LRRC7: variants seen among roughly 807,000 people sequenced by gnomAD.
LRRC7 encodes leucine-rich repeat-containing protein 7.
A neutral mutation model predicts 175.7 loss-of-function variants in LRRC7; 23 were observed. That is an observed-to-expected ratio of 0.13 (90% confidence interval 0.09 to 0.19). LRRC7 has a LOEUF of 0.19. Ranked by LOEUF, LRRC7 falls within the 10% of genes least tolerant of loss-of-function variation. LRRC7 has a pLI of 1.00. For synonymous variants in LRRC7, 685 were observed against 680.9 expected (o/e 1.01, Z -0.09); for missense variants, 1,354 against 1,904.7 (o/e 0.71, Z 5.38).
At chr1:69,855,170 G>A (rs17131050) in intron 7 of LRRC7, among the ~76,000 whole-genome samples, 1 of 152,078 alleles carries the variant, frequency 6.6e-6, no homozygotes, top group Admixed American at 6.6e-5. Context: ...TAGTGTAGTA[G>A]TCCTTGCTTA....
chr1:69,850,850 C>T (rs1472037477), intron 7 of LRRC7, among the ~76,000 whole-genome samples: 1 of 151,894 alleles, frequency 6.6e-6, no homozygotes, highest in Non-Finnish European at 1.5e-5. Flanking sequence ...ATCATCTGCT[C>T]AGGGAGATAG....
intron 10 of LRRC7, among the ~76,000 whole-genome samples, chr1:69,994,195 G>A (rs774905706): frequency 3.9e-5 from 6 of 152,134 alleles, no homozygotes; most frequent in Non-Finnish European, 8.8e-5. Flanking sequence ...AGTTATTACT[G>A]CTTAGGAACT....
intron 8 of LRRC7, among the ~76,000 whole-genome samples, chr1:69,947,786 TA>T (rs1222953063): frequency 6.6e-6 from 1 of 152,140 alleles, no homozygotes; most frequent in East Asian, 1.9e-4. Flanking sequence ...CTATTTTTTT[TA>T]CATATACATA....
At chr1:69,678,026 T>C (rs575614400) in intron 1 of LRRC7, among the ~76,000 whole-genome samples, 2 of 152,190 alleles carry the variant, frequency 1.3e-5, no homozygotes, top group African/African-American at 4.8e-5. Context: ...CATAACCTCC[T>C]CTAAAACTAA....
At chr1:70,015,351 C>T (rs571605756) in intron 13 of LRRC7, among the ~76,000 whole-genome samples, 11 of 151,930 alleles carry the variant, frequency 7.2e-5, no homozygotes, top group Non-Finnish European at 1.2e-4. Context: ...TAACTGCTTT[C>T]GCTCATAAAA....
rs74890795 is a variant in LRRC7, at chr1:69,764,713, G to T, written c.303+4320G>T. ...TGTGGGTGGGTAGGTGGATAGATAG[G>T]TAGGTAGATAGATAGACAGATAGAT... On this transcript the variant is annotated intron_variant, in intron 3 of 26. Coordinates refer to ENST00000651989, the MANE Select transcript of LRRC7 (RefSeq NM_001370785.2). Among the ~76,000 whole-genome samples the T allele has an allele frequency of 4.5e-3, 615 of 136,450 alleles. 5 individuals carry two copies. The highest frequency in any genetic ancestry group is 0.017 in the African/African-American group (590 of 34,912). The allele number at this position is 136,450 out of a possible 152,430, so 89.5% of individuals were successfully genotyped here. A position where few individuals can be genotyped will look rare whatever the true frequency, so the allele number is the denominator to read the frequency against.
At chr1:69,789,124 C>T (rs1674825443) in intron 3 of LRRC7, among the ~76,000 whole-genome samples, 1 of 152,056 alleles carries the variant, frequency 6.6e-6, no homozygotes, top group Non-Finnish European at 1.5e-5. Context: ...CATCTAACTG[C>T]TGTGTTTCAG....
intron 1 of LRRC7, among the ~76,000 whole-genome samples, chr1:69,619,925 T>A (rs1308388753): frequency 6.6e-6 from 1 of 151,108 alleles, no homozygotes; most frequent in African/African-American, 2.4e-5. Context: ...AAAGATAGAG[T>A]CATGGATTTT....
chr1:70,076,551 C>T (rs980152914), intron 24 of LRRC7, among the ~76,000 whole-genome samples: 3 of 152,096 alleles, frequency 2.0e-5, no homozygotes, highest in Non-Finnish European at 2.9e-5. Flanking sequence ...TTTCCAGTAC[C>T]ATCCTACACC....
chr1:69,666,324 C>T (rs1467085180), intron 1 of LRRC7, among the ~76,000 whole-genome samples: 3 of 152,070 alleles, frequency 2.0e-5, no homozygotes, highest in Admixed American at 2.0e-4. Context: ...CAAGATAATA[C>T]TGGCCTTGTG....
At chr1:69,846,273 T>C (rs536519356) in intron 7 of LRRC7, among the ~76,000 whole-genome samples, 60 of 152,128 alleles carry the variant, frequency 3.9e-4, no homozygotes, top group Non-Finnish European at 7.2e-4. Flanking sequence ...TTTAAACTTA[T>C]ACTCTCAACA....
At chr1:69,672,248 A>AT (rs1275714386) in intron 1 of LRRC7, among the ~76,000 whole-genome samples, 3 of 148,838 alleles carry the variant, frequency 2.0e-5, no homozygotes, top group African/African-American at 4.8e-5. Context: ...TACTTAATAC[A>AT]TTTTTTTAAA....
chr1:70,089,675 A>G, intron 24 of LRRC7, 52 bp from the exon 25 acceptor site: 2 of 1,226,928 alleles, frequency 1.6e-6, no homozygotes, highest in East Asian at 4.8e-5. Flanking sequence ...TTATTTGAAA[A>G]TATTTAGCTT....
chr1:69,776,893 G>GT (rs71071376), intron 3 of LRRC7, among the ~76,000 whole-genome samples: 13,321 of 151,948 alleles, frequency 0.088, 882 homozygotes, highest in African/African-American at 0.18. Context: ...TTAAGTTTCT[G>GT]TTTCTTTAAA....
At chr1:69,703,098 G>A (rs1046188414) in intron 2 of LRRC7, among the ~76,000 whole-genome samples, 4 of 151,986 alleles carry the variant, frequency 2.6e-5, no homozygotes, top group African/African-American at 9.7e-5. Context: ...AGAACAGTCT[G>A]AAGAGAAAAC....
chr1:69,987,509 C>T (rs939714118), intron 10 of LRRC7, among the ~76,000 whole-genome samples: 3 of 152,154 alleles, frequency 2.0e-5, no homozygotes, highest in African/African-American at 7.2e-5. Flanking sequence ...TGCTCTTATC[C>T]TTCGTGGATG....
intron 4 of LRRC7, among the ~76,000 whole-genome samples, chr1:69,806,182 G>A (rs1011845104): frequency 6.6e-6 from 1 of 151,854 alleles, no homozygotes; most frequent in Non-Finnish European, 1.5e-5. Context: ...CATAGTGAGT[G>A]CTCAATAAAG....
intron 7 of LRRC7, among the ~76,000 whole-genome samples, chr1:69,913,632 C>T (rs1313120416): frequency 6.6e-6 from 1 of 152,104 alleles, no homozygotes; most frequent in African/African-American, 2.4e-5. Context: ...CTGCCTTAGC[C>T]ACCCAAGTAG....
At chr1:69,620,606 TAAG>T (rs1453949449) in intron 1 of LRRC7, among the ~76,000 whole-genome samples, 2 of 152,172 alleles carry the variant, frequency 1.3e-5, no homozygotes, top group African/African-American at 4.8e-5. Context: ...TGTCCAGAAA[TAAG>T]AGAAGAATAC....
Sources: gnomAD v4.1 joint callset for allele counts (sites outside exome capture counted in the v4.1 genomes callset) on GRCh38, gnomAD v4.1.1 for gene constraint, MANE v1.5 for transcripts, NCBI Gene and HGNC (gene_info 2026-07-23, HGNC 2026-07-21) for gene names.